PLP1: variants seen among roughly 807,000 people sequenced by gnomAD.
PLP1 encodes proteolipid protein 1, also known as myelin proteolipid protein.
Under a neutral mutation model 18.5 loss-of-function variants are expected in PLP1, and 2 were observed. The ratio of observed to expected loss-of-function variants is 0.11; its 90% CI spans 0.04 to 0.34. The LOEUF (loss-of-function observed/expected upper bound fraction) is 0.34. Ranked by LOEUF, PLP1 falls within the 10% of genes least tolerant of loss-of-function variation. The pLI is 1.00. For missense variants in PLP1, 105 were observed against 207.3 expected (o/e 0.51, Z 3.03); for synonymous variants, 86 against 83.2 (o/e 1.03, Z -0.19).
intron 1 of PLP1, among the ~76,000 whole-genome samples, chrX:103,778,433 T>C (rs2074427839): frequency 8.9e-6 from 1 of 112,024 alleles, no homozygotes; most frequent in Non-Finnish European, 1.9e-5. Flanking sequence ...AGGAACTCAA[T>C]TCCTGCCCTG....
intron 5 of PLP1, chrX:103,788,866 G>A (rs2074521203): frequency 3.5e-6 from 1 of 284,875 alleles, no homozygotes; most frequent in Non-Finnish European, 6.2e-6. Flanking sequence ...GGCATTCATA[G>A]GTTTTATGAA....
chrX:103,789,247 C>T lies in PLP1; in HGVS notation c.697-86C>T, dbSNP rs2074524331. The T allele has an allele frequency of 2.5e-5, 18 of 710,914 alleles. 1 individual carries two copies. The South Asian group carries it at 3.6e-4, about 14-fold the overall frequency. The allele number at this position is 710,914 out of a possible 1,213,427, so 58.6% of individuals were successfully genotyped here. A position where few individuals can be genotyped will look rare whatever the true frequency, so the allele number is the denominator to read the frequency against. On this transcript the variant is annotated intron_variant, in intron 5 of 6. Transcript: ENST00000621218. ...TTAGCACACAAGAAAGATATCAACACATTCAGAAAGCTGTATTCATGATTT... is the reference window on the plus strand; with the variant it reads ...TTAGCACACAAGAAAGATATCAACATATTCAGAAAGCTGTATTCATGATTT...
upstream of PLP1, chrX:103,776,819 T>C (rs933887659): frequency 6.1e-5 from 30 of 490,983 alleles, no homozygotes; most frequent in Admixed American, 1.4e-4. Context: ...TTTAAGGGGG[T>C]TGGCTGTCAA....
chrX:103,788,548 C>G (rs199794221), intron 5 of PLP1, 38 bp downstream of exon 5: 28 of 985,701 alleles, frequency 2.8e-5, no homozygotes, highest in Non-Finnish European at 4.1e-5. Flanking sequence ...AAGGGAGTAG[C>G]TAATACCATA....
At chrX:103,777,666 G>T (rs1172308107) in intron 1 of PLP1, among the ~76,000 whole-genome samples, 3 of 112,031 alleles carry the variant, frequency 2.7e-5, no homozygotes, top group Admixed American at 9.4e-5. Flanking sequence ...AAGGCTCTTT[G>T]CTGTGACAAG....
Position 103,777,015 on chromosome X carries a change from T to C in PLP1, c.4+16T>C. 8.4e-7 allele frequency: 1 copy of C among 1,190,698 alleles called. No individual in the cohort carries two copies. The highest frequency in any genetic ancestry group is 1.1e-6 in the Non-Finnish European group (1 of 877,005). ...AAAGACATGGGTAAGTTTCAAAAAC[T>C]TTAGCATTGAAGATTCAAGAGGACA... On this transcript the variant is annotated intron_variant, in intron 1 of 6. Transcript: ENST00000621218.
At chrX:103,784,572 T>C (rs1444647128) in intron 1 of PLP1, among the ~76,000 whole-genome samples, 1 of 112,061 alleles carries the variant, frequency 8.9e-6, no homozygotes, top group Non-Finnish European at 1.9e-5. Flanking sequence ...AATCAAGCAT[T>C]CTTTGCAACA....
rs2074414788 is a variant in PLP1, at chrX:103,776,877, G to A, written c.-119G>A. The A allele has an allele frequency of 1.4e-6, 1 of 700,315 alleles. No individual in the cohort carries two copies. Among genetic ancestry groups the A allele is most frequent in the Non-Finnish European group, 2.2e-6 (1 of 445,521 alleles). 57.7% of individuals were successfully genotyped at this position (700,315 alleles called of 1,213,427 possible). A position where few individuals can be genotyped will look rare whatever the true frequency, so the allele number is the denominator to read the frequency against. On this transcript the variant is annotated 5_prime_UTR_variant, in exon 1 of 7. Transcript: ENST00000621218. ...GGAGAAGAGGACAAAGATACTCAGA[G>A]AGAAAAAGTAAAAGACCGAAGAAGG...
chrX:103,787,795 T>C lies in PLP1; in HGVS notation c.454-3T>C. The C allele has an allele frequency of 2.5e-6, 3 of 1,206,388 alleles. No homozygotes were observed. The highest frequency in any genetic ancestry group is 3.4e-6 in the Non-Finnish European group (3 of 890,744). ...TCTAACCACCCCATGTCAATCATTTTAGTTTGTGGGCATCACCTATGCCCT... is the reference window on the plus strand; with the variant it reads ...TCTAACCACCCCATGTCAATCATTTCAGTTTGTGGGCATCACCTATGCCCT... On this transcript the variant is annotated splice_region_variant and splice_polypyrimidine_tract_variant and intron_variant, in intron 3 of 6. Transcript: ENST00000621218.
Position 103,790,682 on chromosome X carries a change from G to T in PLP1, c.*84G>T. 1.4e-6 allele frequency: 1 copy of T among 724,992 alleles called. No homozygotes were observed. The highest frequency in any genetic ancestry group is 2.2e-6 in the Non-Finnish European group (1 of 451,677). The allele number at this position is 724,992 out of a possible 1,213,427, so 59.7% of individuals were successfully genotyped here. ...GCTGCGTCTCCCATCTTAACTCTTTGCCTTTGCCACCAACTGGCCCTCTTC... is the reference window on the plus strand; with the variant it reads ...GCTGCGTCTCCCATCTTAACTCTTTTCCTTTGCCACCAACTGGCCCTCTTC... On this transcript the variant is annotated 3_prime_UTR_variant, in exon 7 of 7. Coordinates refer to ENST00000621218, the MANE Select transcript of PLP1 (RefSeq NM_000533.5).
intron 1 of PLP1, among the ~76,000 whole-genome samples, chrX:103,782,767 T>C (rs915622845): frequency 3.1e-5 from 3 of 96,912 alleles, no homozygotes; most frequent in African/African-American, 1.1e-4. Context: ...CAAACAGTCC[T>C]GCCATTGTTC....
chrX:103,789,392 T>G lies in PLP1; in HGVS notation c.756T>G (p.Val252=). The change falls in exon 6 of 7, where the codon GTT becomes GTG. Residue 252 remains valine (V), a synonymous_variant. Coordinates refer to ENST00000621218, the MANE Select transcript of PLP1 (RefSeq NM_000533.5). ...TTGTGGGGGCTGCAGCTACACTGGTTTCCCTGGTGAGTTGACTTTGAATGA... is the reference window on the plus strand; with the variant it reads ...TTGTGGGGGCTGCAGCTACACTGGTGTCCCTGGTGAGTTGACTTTGAATGA... ...AAFVGAAATL[V]SLLTFMIAAT... 3 of 1,200,005 alleles carry G rather than the reference T, an allele frequency of 2.5e-6. No individual in the cohort carries two copies. The highest frequency in any genetic ancestry group is 3.4e-6 in the Non-Finnish European group (3 of 884,513).
chrX:103,777,780 T>G (rs903535328), intron 1 of PLP1, among the ~76,000 whole-genome samples: 1 of 112,582 alleles, frequency 8.9e-6, no homozygotes, highest in Non-Finnish European at 1.9e-5. Flanking sequence ...GGTGGTAGTT[T>G]CTACTCAGAG....
chrX:103,783,871 T>C (rs970196944), intron 1 of PLP1, among the ~76,000 whole-genome samples: 1 of 111,935 alleles, frequency 8.9e-6, no homozygotes, highest in African/African-American at 3.2e-5. Context: ...TCCCAGTACA[T>C]TTGCTGAGTA....
chrX:103,790,763 T>C lies in PLP1; in HGVS notation c.*165T>C. 2.0e-6 allele frequency: 1 copy of C among 503,852 alleles called. No homozygotes were observed. Among genetic ancestry groups the C allele is most frequent in the Non-Finnish European group, 3.6e-6 (1 of 278,607 alleles). 41.5% of individuals were successfully genotyped at this position (503,852 alleles called of 1,213,427 possible). On this transcript the variant is annotated 3_prime_UTR_variant, in exon 7 of 7. Coordinates refer to ENST00000621218, the MANE Select transcript of PLP1 (RefSeq NM_000533.5). ...TCTTGCAGTGATTAAGGTCTCTCTT[T>C]GGACTCTCCCCTCTTATGTACCTCT...
intron 1 of PLP1, chrX:103,780,053 T>G (rs1000629759): frequency 5.3e-5 from 6 of 112,970 alleles, no homozygotes; most frequent in African/African-American, 1.9e-4. Context: ...GTGCCAAACT[T>G]ACATCAAAAG....
At position 103,785,754 on chromosome X, in the gene PLP1, G is replaced by A; in HGVS notation, c.177G>A (p.Glu59=). 8.3e-7 allele frequency: 1 copy of A among 1,206,373 alleles called. No individual in the cohort carries two copies. The highest frequency in any genetic ancestry group is 1.1e-6 in the Non-Finnish European group (1 of 890,605). ...TYFSKNYQDY[E]YLINVIHAFQ... ...TCTCCAAAAACTACCAAGACTATGAGTATCTCATCAATGTGTAAGTACCTG... is the reference window on the plus strand; with the variant it reads ...TCTCCAAAAACTACCAAGACTATGAATATCTCATCAATGTGTAAGTACCTG... Residue 59 remains glutamate, a synonymous_variant, in exon 2 of 7, where the codon GAG becomes GAA. Coordinates refer to ENST00000621218, the MANE Select transcript of PLP1 (RefSeq NM_000533.5).
At position 103,785,662 on chromosome X, in the gene PLP1, G is replaced by T. The variant is rs1376158201; in HGVS notation, c.85G>T (p.Val29Leu). ...LVATGLCFFG[V>L]ALFCGCGHEA... ...GGCCACTGGATTGTGTTTCTTTGGG[G>T]TGGCACTGTTCTGTGGCTGTGGACA... The change falls in exon 2 of 7, where the codon GTG becomes TTG. Residue 29 changes from valine to leucine, a missense_variant. Val to Leu is a conservative substitution (Grantham distance 32, BLOSUM62 1). Transcript: ENST00000621218. 1 of 1,209,864 alleles carries T rather than the reference G, an allele frequency of 8.3e-7. No individual in the cohort carries two copies.
intron 1 of PLP1, among the ~76,000 whole-genome samples, chrX:103,778,089 G>A (rs1304372860): frequency 1.8e-5 from 2 of 111,660 alleles, no homozygotes; most frequent in African/African-American, 3.3e-5. Context: ...ACAGGGAGTC[G>A]GAAAAATCAG....
Sources: gnomAD v4.1 joint callset for allele counts (sites outside exome capture counted in the v4.1 genomes callset) on GRCh38, gnomAD v4.1.1 for gene constraint, MANE v1.5 for transcripts, NCBI Gene and HGNC (gene_info 2026-07-23, HGNC 2026-07-21) for gene names.